Variants in INTS14 observed in about 807,000 individuals in gnomAD.
INTS14 encodes integrator complex subunit 14, also known as UPF0464 protein C15orf44.
In INTS14, 27 loss-of-function variants were observed where a neutral mutation model predicts 56.9. The observed-to-expected ratio is 0.47, with a 90% CI of 0.35 to 0.65. The LOEUF (loss-of-function observed/expected upper bound fraction) is 0.65, where lower values mean the gene tolerates loss of function less well. INTS14 is among the 30% of genes least tolerant of loss of function. The pLI is 0.00. For missense variants in INTS14, 517 were observed against 632.2 expected (o/e 0.82, Z 1.95); for synonymous variants, 207 against 236.2 (o/e 0.88, Z 1.13).
intron 9 of INTS14, among the ~76,000 whole-genome samples, chr15:65,588,471 C>A (rs2141264912): frequency 6.6e-6 from 1 of 151,950 alleles, no homozygotes; most frequent in African/African-American, 2.4e-5. Context: ...TTGAGACCAG[C>A]CTGACCAACA....
chr15:65,607,050 T>C (rs975076820), intron 2 of INTS14, 109 bp downstream of exon 2: 43 of 1,346,890 alleles, frequency 3.2e-5, no homozygotes, highest in East Asian at 1.0e-4. Flanking sequence ...TAAGTACTCA[T>C]AGACTTATTA....
At chr15:65,589,989 T>C (rs2072965842) in intron 9 of INTS14, among the ~76,000 whole-genome samples, 1 of 152,306 alleles carries the variant, frequency 6.6e-6, no homozygotes, top group East Asian at 1.9e-4. Flanking sequence ...CTTCTCTCTG[T>C]ATTATCTATT....
Position 65,608,496 on chromosome 15 carries a change from G to A in INTS14, c.-62-1054C>T, listed in dbSNP as rs374990110. On this transcript the variant is annotated intron_variant, in intron 1 of 11. Transcript: ENST00000313182. ...GAATTAGCATAAAGAAAACATTTTG[G>A]TGCTCAAAAATAAAAAAGTTTACAG... Among the ~76,000 whole-genome samples the A allele has an allele frequency of 9.2e-5, 14 of 151,886 alleles. No homozygotes were observed. In the South Asian group the frequency reaches 2.3e-3, roughly 25 times the overall value.
At chr15:65,583,508 A>C (rs1309855559) in intron 10 of INTS14, among the ~76,000 whole-genome samples, 1 of 152,186 alleles carries the variant, frequency 6.6e-6, no homozygotes, top group Non-Finnish European at 1.5e-5. Flanking sequence ...AAAGAAAATC[A>C]ATGGTTGCCA....
At chr15:65,588,612 GA>G (rs2072914431) in intron 9 of INTS14, among the ~76,000 whole-genome samples, 1 of 151,444 alleles carries the variant, frequency 6.6e-6, no homozygotes, top group South Asian at 2.1e-4. Context: ...AGGTTGCAGT[GA>G]ACCAAGACTG....
At chr15:65,582,812 G>A (rs879859092) in intron 10 of INTS14, among the ~76,000 whole-genome samples, 1 of 152,000 alleles carries the variant, frequency 6.6e-6, no homozygotes, top group African/African-American at 2.4e-5. Flanking sequence ...ATCTGCTAAG[G>A]ATCATAATAT....
intron 1 of INTS14, among the ~76,000 whole-genome samples, chr15:65,608,387 A>G (rs932183292): frequency 2.0e-5 from 3 of 151,610 alleles, no homozygotes; most frequent in Non-Finnish European, 2.9e-5. Context: ...AAAAAAAAAA[A>G]AATTTATACA....
chr15:65,585,291 G>A (rs2072777185), intron 9 of INTS14, among the ~76,000 whole-genome samples: 1 of 152,054 alleles, frequency 6.6e-6, no homozygotes, highest in African/African-American at 2.4e-5. Context: ...CTATATCTGT[G>A]CTGTCTAATG....
intron 1 of INTS14, among the ~76,000 whole-genome samples, chr15:65,608,999 G>C (rs1260353595): frequency 6.6e-6 from 1 of 152,194 alleles, no homozygotes; most frequent in African/African-American, 2.4e-5. Flanking sequence ...CCGGGTTCAC[G>C]CCATTCTCCT....
chr15:65,594,950 T>C (rs142475042), intron 7 of INTS14, among the ~76,000 whole-genome samples: 3 of 152,174 alleles, frequency 2.0e-5, no homozygotes, highest in Non-Finnish European at 4.4e-5. Context: ...TGAGATAACC[T>C]GGGCATAAAT....
At position 65,584,888 on chromosome 15, in the gene INTS14, T is replaced by A; in HGVS notation, c.1121A>T (p.Asp374Val). The A allele has an allele frequency of 6.2e-7, 1 of 1,605,200 alleles. No homozygotes were observed. The highest frequency in any genetic ancestry group is 2.2e-5 in the East Asian group (1 of 44,466). Residue 374 changes from aspartate to valine, a missense_variant and splice_region_variant, in exon 10 of 12, where the codon GAT becomes GTT. Transcript: ENST00000313182. ...GKMAQLGPIS[D>V]AKENPYGEDD... is the part of the protein sequence containing the mutation. ...CTCGCCATAAGGGTTTTCTTTAGCA[T>A]CTTAAAAGAAAAGACATTCTTGAAA...
Position 65,598,331 on chromosome 15 carries a change from G to A in INTS14, c.738C>T (p.Val246=), listed in dbSNP as rs1456701764. 14 of 1,612,718 alleles carry A rather than the reference G, an allele frequency of 8.7e-6. No homozygotes were observed. The highest frequency in any genetic ancestry group is 1.2e-5 in the Non-Finnish European group (14 of 1,179,624). ...VDEEIDPIPK[V]INTDLEIVGF... ...TTTTTAAAAAGTTACCTGTGTTAAT[G>A]ACTTTAGGGATAGGATCAATTTCTT... Residue 246 remains valine (V), a synonymous_variant, in exon 6 of 12, where the codon GTC becomes GTT. Transcript: ENST00000313182.
intron 8 of INTS14, 101 bp downstream of exon 8, chr15:65,593,327 G>T: frequency 7.2e-7 from 1 of 1,385,264 alleles, no homozygotes; most frequent in Non-Finnish European, 9.8e-7. Flanking sequence ...GGAAAAAGGT[G>T]ACAAGGACCT....
At chr15:65,595,903 A>C in intron 6 of INTS14, 78 bp from the exon 7 acceptor site, 1 of 1,142,910 alleles carries the variant, frequency 8.7e-7, no homozygotes, top group Non-Finnish European at 1.3e-6. Flanking sequence ...CATTTCACAA[A>C]TGCACTGTTT....
chr15:65,611,010 C>T (rs1331563337), intron 1 of INTS14, 88 bp downstream of exon 1: 3 of 1,522,400 alleles, frequency 2.0e-6, no homozygotes, highest in Admixed American at 4.0e-5. Flanking sequence ...AAGCGCTGGC[C>T]CTGGGTTGTT....
At chr15:65,604,571 A>T (rs898657117) in intron 3 of INTS14, among the ~76,000 whole-genome samples, 1 of 152,002 alleles carries the variant, frequency 6.6e-6, no homozygotes, top group Non-Finnish European at 1.5e-5. Context: ...TCTACAAAAA[A>T]TGTAAAAAAT....
At chr15:65,605,091 T>C (rs747257001) in intron 3 of INTS14, 38 bp downstream of exon 3, 2 of 1,491,982 alleles carry the variant, frequency 1.3e-6, no homozygotes. Context: ...GTGGTTAATG[T>C]TGTTAACTTA....
chr15:65,609,697 C>G (rs956316418), intron 1 of INTS14, among the ~76,000 whole-genome samples: 2 of 152,200 alleles, frequency 1.3e-5, no homozygotes, highest in Non-Finnish European at 2.9e-5. Context: ...GGGGGACTCC[C>G]TCACGTCTGC....
At chr15:65,606,883 A>G (rs1046415382) in intron 2 of INTS14, among the ~76,000 whole-genome samples, 35 of 152,202 alleles carry the variant, frequency 2.3e-4, no homozygotes, top group Admixed American at 2.6e-4. Flanking sequence ...GGAATGGAAC[A>G]CTACATCCTG....
Sources: gnomAD v4.1 joint callset for allele counts (sites outside exome capture counted in the v4.1 genomes callset) on GRCh38, gnomAD v4.1.1 for gene constraint, MANE v1.5 for transcripts, NCBI Gene and HGNC (gene_info 2026-07-23, HGNC 2026-07-21) for gene names.